OR56A1: variants seen among roughly 807,000 people sequenced by gnomAD.
OR56A1 encodes the protein olfactory receptor family 56 subfamily A member 1, also known as olfactory receptor 56A1.
For missense variants in OR56A1, 360 were observed against 380.9 expected (o/e 0.94, Z 0.46); for synonymous variants, 174 against 159.1 (o/e 1.09, Z -0.70).
chr11:6,031,243 G>T (rs1169256531), upstream of OR56A1, among the ~76,000 whole-genome samples: 1 of 152,116 alleles, frequency 6.6e-6, no homozygotes, highest in Admixed American at 6.6e-5. Context: ...GGAGTTGAAA[G>T]AAAGAGCCAA....
chr11:6,020,291 G>A lies in OR56A1; in HGVS notation c.*6457C>T, dbSNP rs143329447. The A allele has an allele frequency of 3.5e-4, 54 of 152,216 alleles. No homozygotes were observed. Among genetic ancestry groups the A allele is most frequent in the Middle Eastern group, 3.4e-3 (1 of 294 alleles). 9.4% of individuals were successfully genotyped at this position (152,216 alleles called of 1,614,324 possible). ...GAACTGAATTTCTTTGGCTATTCAG[G>A]CTCTTTTTTGGTTTCATATGAATTT... On this transcript the variant is annotated 3_prime_UTR_variant, in exon 2 of 2. Transcript: ENST00000641900.
Position 6,024,679 on chromosome 11 carries a change from C to T in OR56A1, c.*2069G>A, listed in dbSNP as rs565841458. ...TGGTATATTGCAAGTGCTCAAAACA[C>T]ATGAACTTGGATTTTCATTATAAGT... is the stretch of plus-strand genomic sequence containing the variant. On this transcript the variant is annotated 3_prime_UTR_variant, in exon 2 of 2. Coordinates refer to ENST00000641900, the MANE Select transcript of OR56A1 (RefSeq NM_001388488.1). The T allele has an allele frequency of 2.6e-5, 4 of 152,276 alleles. No homozygotes were observed. The highest frequency in any genetic ancestry group is 9.6e-5 in the African/African-American group (4 of 41,552). 9.4% of individuals were successfully genotyped at this position (152,276 alleles called of 1,614,324 possible).
chr11:6,027,448 G>A lies in OR56A1; in HGVS notation c.245C>T (p.Pro82Leu), dbSNP rs1848465142. Residue 82 changes from proline to leucine, a missense_variant, in exon 2 of 2, where the codon CCC becomes CTC. By Grantham distance (98) the Pro-to-Leu change is moderately conservative. Coordinates refer to ENST00000641900, the MANE Select transcript of OR56A1 (RefSeq NM_001388488.1). ...LDIVLCLTVIPKVLAIFWYDL... is the reference protein window; with the variant it reads ...LDIVLCLTVILKVLAIFWYDL... ...ATACCAGAAGATGGCCAGGACCTTG[G>A]GGATGACGGTGAGGCAGAGCACGAT... The A allele has an allele frequency of 4.3e-6, 7 of 1,614,196 alleles. No individual in the cohort carries two copies. Among genetic ancestry groups the A allele is most frequent in the Non-Finnish European group, 5.9e-6 (7 of 1,180,026 alleles).
intron 1 of OR56A1, among the ~76,000 whole-genome samples, chr11:6,028,906 T>C (rs1057513777): frequency 1.4e-5 from 2 of 147,548 alleles, no homozygotes; most frequent in Non-Finnish European, 3.0e-5. Context: ...CAACAGATGA[T>C]AGGATAAAGA....
rs1848371822 is a variant in OR56A1 at position 6,019,415 on chromosome 11, T to C, written c.*7333A>G. 1 of 152,134 alleles carries C rather than the reference T, an allele frequency of 6.6e-6. No homozygotes were observed. The highest frequency in any genetic ancestry group is 2.4e-5 in the African/African-American group (1 of 41,454). The allele number at this position is 152,134 out of a possible 1,614,324, so 9.4% of individuals were successfully genotyped here. A position where few individuals can be genotyped will look rare whatever the true frequency, so the allele number is the denominator to read the frequency against. ...CATCATGTATTAGTCCGTTTTCTCA[T>C]GCTGCTGATAAAGACTTATCTGAAA... On this transcript the variant is annotated 3_prime_UTR_variant, in exon 2 of 2. Transcript: ENST00000641900.
Position 6,019,491 on chromosome 11 carries a change from G to C in OR56A1, c.*7257C>G, listed in dbSNP as rs1315244768. 1 of 152,322 alleles carries C rather than the reference G, an allele frequency of 6.6e-6. No individual in the cohort carries two copies. The highest frequency in any genetic ancestry group is 6.5e-5 in the Admixed American group (1 of 15,282). The allele number at this position is 152,322 out of a possible 1,614,324, so 9.4% of individuals were successfully genotyped here. ...TTTAATTGGACTTACAGTTCCACAT[G>C]GCTGGGGAAGCCTCACAATCATGGC... On this transcript the variant is annotated 3_prime_UTR_variant, in exon 2 of 2. Transcript: ENST00000641900.
In OR56A1 at chr11:6,027,620, T is replaced by C; in HGVS notation, c.73A>G (p.Ser25Gly). Residue 25 changes from serine (S) to glycine (G), a missense_variant, in exon 2 of 2, where the codon AGT becomes GGT. Ser to Gly is a moderately conservative substitution (Grantham distance 56). Coordinates refer to ENST00000641900, the MANE Select transcript of OR56A1 (RefSeq NM_001388488.1). ...FLLICFPNFQ[S>G]WQHWLSLPLS... is the part of the protein sequence containing the mutation. The stretch of plus-strand genomic sequence containing the variant: ...GGCAGGGAGAGCCAGTGCTGCCAAC[T>C]CTGGAAGTTGGGGAAGCAGATGAGG... The C allele has an allele frequency of 1.2e-6, 2 of 1,613,414 alleles. No homozygotes were observed. Among genetic ancestry groups the C allele is most frequent in the Non-Finnish European group, 1.7e-6 (2 of 1,179,752 alleles).
upstream of OR56A1, among the ~76,000 whole-genome samples, chr11:6,032,028 A>G (rs1848517793): frequency 6.6e-6 from 1 of 152,164 alleles, no homozygotes; most frequent in Non-Finnish European, 1.5e-5. Flanking sequence ...GTCAAGTAGA[A>G]GTTCAATAAC....
Position 6,022,275 on chromosome 11 carries a change from G to T in OR56A1, c.*4473C>A, listed in dbSNP as rs1848404807. 6.6e-6 allele frequency: 1 copy of T among 152,070 alleles called. No individual in the cohort carries two copies. Among genetic ancestry groups the T allele is most frequent in the South Asian group, 2.1e-4 (1 of 4,826 alleles). 9.4% of individuals were successfully genotyped at this position (152,070 alleles called of 1,614,324 possible). A position where few individuals can be genotyped will look rare whatever the true frequency, so the allele number is the denominator to read the frequency against. ...CTTTCTCTTTCTGGCTTGCCACCCA[G>T]ATTCAGAAGCACCAGTGAAGGTCTC... On this transcript the variant is annotated 3_prime_UTR_variant, in exon 2 of 2. Transcript: ENST00000641900.
chr11:6,029,045 A>G lies in OR56A1; in HGVS notation c.-34-1319T>C, dbSNP rs1361794060. ...AAACAAGCCAGACACAAAAAGACAA[A>G]TATTGCATGTTCTCACTCATAAGTA... On this transcript the variant is annotated intron_variant, in intron 1 of 1. Transcript: ENST00000641900. 1.8e-4 allele frequency among the ~76,000 whole-genome samples: 27 copies of G among 152,138 alleles called. 1 individual carries two copies. The highest frequency in any genetic ancestry group is 4.4e-5 in the Non-Finnish European group (3 of 68,020).
chr11:6,032,609 G>A (rs912646447), upstream of OR56A1, among the ~76,000 whole-genome samples: 1 of 152,106 alleles, frequency 6.6e-6, no homozygotes, highest in Non-Finnish European at 1.5e-5. Flanking sequence ...GGGCTGAGGG[G>A]CAGTTCTGAT....
chr11:6,031,212 T>C (rs1253841679), upstream of OR56A1, among the ~76,000 whole-genome samples: 2 of 152,162 alleles, frequency 1.3e-5, no homozygotes, highest in Non-Finnish European at 2.9e-5. Flanking sequence ...ATATTTAATC[T>C]GACTGGAGCC....
rs1357235946 is a variant in OR56A1, at chr11:6,027,716, G to C, written c.-24C>G. The C allele has an allele frequency of 2.0e-6, 3 of 1,520,640 alleles. No homozygotes were observed. In the Admixed American group the frequency reaches 6.3e-5, roughly 32 times the overall value. The allele number at this position is 1,520,640 out of a possible 1,614,324, so 94.2% of individuals were successfully genotyped here. A position where few individuals can be genotyped will look rare whatever the true frequency, so the allele number is the denominator to read the frequency against. On this transcript the variant is annotated 5_prime_UTR_variant, in exon 2 of 2. Coordinates refer to ENST00000641900, the MANE Select transcript of OR56A1 (RefSeq NM_001388488.1). ...ATAGGCTGAATCATGAGCTGAGTAG[G>C]CTTCTGATGACTATGTTTATGGGCA...
chr11:6,027,750 A>G (rs1206736660), intron 1 of OR56A1, 24 bp from the exon 2 acceptor site: 2 of 1,355,378 alleles, frequency 1.5e-6, no homozygotes, highest in Non-Finnish European at 2.0e-6. Context: ...CAGATACAAG[A>G]GGTTATTTTT....
rs1848380943 is a variant in OR56A1, at chr11:6,020,147, A to G, written c.*6601T>C. 6.6e-6 allele frequency: 1 copy of G among 152,136 alleles called. No homozygotes were observed. 9.4% of individuals were successfully genotyped at this position (152,136 alleles called of 1,614,324 possible). ...TCTTGACAGACCACAAGAATTCTGC[A>G]TAAACTCAAAAGCTAAGCAGAAAAT... On this transcript the variant is annotated 3_prime_UTR_variant, in exon 2 of 2. Transcript: ENST00000641900.
chr11:6,024,210 G>C lies in OR56A1; in HGVS notation c.*2538C>G, dbSNP rs1848424741. 6.6e-6 allele frequency: 1 copy of C among 152,226 alleles called. No individual in the cohort carries two copies. The highest frequency in any genetic ancestry group is 2.4e-5 in the African/African-American group (1 of 41,452). 9.4% of individuals were successfully genotyped at this position (152,226 alleles called of 1,614,324 possible). ...TTACTGAGCCCCTCAATATGTGAGA[G>C]CTGTGCTAGTTACTGTGAGGGGTGA... is the stretch of plus-strand genomic sequence containing the variant. On this transcript the variant is annotated 3_prime_UTR_variant, in exon 2 of 2. Coordinates refer to ENST00000641900, the MANE Select transcript of OR56A1 (RefSeq NM_001388488.1).
chr11:6,026,498 G>A lies in OR56A1; in HGVS notation c.*250C>T. 2.2e-6 allele frequency: 1 copy of A among 445,880 alleles called. No individual in the cohort carries two copies. The allele number at this position is 445,880 out of a possible 1,614,324, so 27.6% of individuals were successfully genotyped here. Reference sequence around the variant, plus strand: ...TGAAAGTAACAATGCCTGCAGAGATGTGTTGAAGATTAAATTACTTAAATG... The same window carrying A: ...TGAAAGTAACAATGCCTGCAGAGATATGTTGAAGATTAAATTACTTAAATG... On this transcript the variant is annotated 3_prime_UTR_variant, in exon 2 of 2. Coordinates refer to ENST00000641900, the MANE Select transcript of OR56A1 (RefSeq NM_001388488.1).
chr11:6,027,901 A>G (rs978473195), intron 1 of OR56A1, among the ~76,000 whole-genome samples, 175 bp from the exon 2 acceptor site: 2 of 151,864 alleles, frequency 1.3e-5, no homozygotes, highest in African/African-American at 4.8e-5. Context: ...GGTGTGGTCT[A>G]TGAAGAAAAA....
upstream of OR56A1, among the ~76,000 whole-genome samples, chr11:6,033,154 G>A (rs1037816664): frequency 5.3e-5 from 8 of 152,004 alleles, no homozygotes; most frequent in Non-Finnish European, 1.2e-4. Flanking sequence ...ATGAGCCCAG[G>A]ACACTTGCCT....
Sources: gnomAD v4.1 joint callset for allele counts (sites outside exome capture counted in the v4.1 genomes callset) on GRCh38, gnomAD v4.1.1 for gene constraint, MANE v1.5 for transcripts, NCBI Gene and HGNC (gene_info 2026-07-23, HGNC 2026-07-21) for gene names.